Variants in SVOPL observed in about 807,000 individuals in gnomAD.
SVOPL encodes the protein putative transporter SVOPL.
A neutral mutation model predicts 61.0 loss-of-function variants in SVOPL; 60 were observed. The ratio of observed to expected loss-of-function variants is 0.98; its 90% confidence interval spans 0.80 to 1.22. SVOPL has a LOEUF of 1.22. Among genes scored for constraint, SVOPL ranks in the 50% most tolerant of loss-of-function variants. The probability of loss-of-function intolerance (pLI) is 0.00; values close to 1 mark genes in which losing one functional copy is unlikely to be tolerated. For missense variants in SVOPL, 662 were observed against 643.9 expected (o/e 1.03, Z -0.30); for synonymous variants, 279 against 250.0 (o/e 1.12, Z -1.09).
intron 14 of SVOPL, chr7:138,596,902 C>T: frequency 9.2e-7 from 1 of 1,086,832 alleles, no homozygotes. Flanking sequence ...ATGCTATATC[C>T]TCTGTCTGCC....
intron 13 of SVOPL, among the ~76,000 whole-genome samples, chr7:138,624,306 T>C (rs565732165): frequency 5.2e-4 from 79 of 152,360 alleles, no homozygotes; most frequent in African/African-American, 1.8e-3. Context: ...TTGGCTTCTT[T>C]CATCTCCTTT....
intron 9 of SVOPL, among the ~76,000 whole-genome samples, chr7:138,634,611 G>C (rs1165493898): frequency 6.6e-6 from 1 of 152,088 alleles, no homozygotes; most frequent in Non-Finnish European, 1.5e-5. Context: ...TCACACCACT[G>C]CACTCCAGCT....
intron 5 of SVOPL, chr7:138,661,081 T>A (rs1336410497): frequency 1.0e-6 from 1 of 985,322 alleles, no homozygotes; most frequent in Non-Finnish European, 1.2e-6. Context: ...TTTACAAGAA[T>A]CTATGCTATT....
At chr7:138,655,270 G>C (rs565063217) in intron 7 of SVOPL, among the ~76,000 whole-genome samples, 1 of 152,072 alleles carries the variant, frequency 6.6e-6, no homozygotes, top group Non-Finnish European at 1.5e-5. Context: ...TTGGGAGGCC[G>C]AGGCGGGTGG....
chr7:138,659,052 G>A (rs1177109206), intron 6 of SVOPL, among the ~76,000 whole-genome samples: 1 of 152,128 alleles, frequency 6.6e-6, no homozygotes, highest in East Asian at 1.9e-4. Flanking sequence ...CTTAAGTCTG[G>A]TGAGACACAT....
At chr7:138,606,563 C>T (rs1026484023) in intron 14 of SVOPL, among the ~76,000 whole-genome samples, 6 of 152,060 alleles carry the variant, frequency 3.9e-5, no homozygotes, top group Admixed American at 2.0e-4. Context: ...CCAAGGAGCC[C>T]GCTCATTACA....
At chr7:138,607,539 G>T (rs909530388) in intron 14 of SVOPL, among the ~76,000 whole-genome samples, 3 of 152,116 alleles carry the variant, frequency 2.0e-5, no homozygotes, top group Non-Finnish European at 4.4e-5. Flanking sequence ...TCAAAGGTCA[G>T]GTGAGATGAG....
At chr7:138,657,597 T>C (rs1801807784) in intron 6 of SVOPL, among the ~76,000 whole-genome samples, 1 of 152,202 alleles carries the variant, frequency 6.6e-6, no homozygotes, top group Non-Finnish European at 1.5e-5. Context: ...TTCCATCAGT[T>C]TTCTAATTGC....
intron 14 of SVOPL, among the ~76,000 whole-genome samples, chr7:138,611,858 G>T (rs1294917308): frequency 3.5e-4 from 27 of 76,262 alleles, no homozygotes; most frequent in Admixed American, 6.2e-4. Context: ...TGCCGAGATT[G>T]CAGCCTCTGC....
intron 9 of SVOPL, among the ~76,000 whole-genome samples, chr7:138,643,419 T>G (rs1178013477): frequency 1.0e-5 from 1 of 98,374 alleles, no homozygotes; most frequent in East Asian, 2.8e-4. Context: ...TGAGACTCCA[T>G]CTCAAAAAAA....
intron 14 of SVOPL, among the ~76,000 whole-genome samples, chr7:138,601,677 T>C (rs973649823): frequency 2.0e-5 from 3 of 151,594 alleles, no homozygotes; most frequent in Admixed American, 6.6e-5. Flanking sequence ...GAGAAGTGCA[T>C]ACTTTTAAAA....
intron 7 of SVOPL, 78 bp downstream of exon 7, chr7:138,656,370 G>A (rs1008168141): frequency 2.0e-5 from 29 of 1,423,420 alleles, no homozygotes; most frequent in Non-Finnish European, 2.8e-5. Context: ...CAAACCAGCA[G>A]TATTTCCAAG....
At chr7:138,630,307 AGCCAGATCTGTCTTTTG>A (rs1800117985) in intron 9 of SVOPL, among the ~76,000 whole-genome samples, 185 bp from the exon 10 acceptor site, 2 of 152,304 alleles carry the variant, frequency 1.3e-5, no homozygotes, top group Admixed American at 6.5e-5. Context: ...CATCTGTCTC[AGCCAGATCTGTCTTTTG>A]GCTTTTTCTC....
intron 1 of SVOPL, among the ~76,000 whole-genome samples, chr7:138,696,877 G>A (rs528701027): frequency 3.9e-4 from 59 of 152,294 alleles, no homozygotes; most frequent in Non-Finnish European, 6.8e-4. Flanking sequence ...GCCAAGGCCT[G>A]TGTTTTTGTG....
intron 1 of SVOPL, among the ~76,000 whole-genome samples, chr7:138,684,602 G>C (rs905210973): frequency 6.6e-6 from 1 of 152,290 alleles, no homozygotes; most frequent in East Asian, 1.9e-4. Context: ...ATTATCAAAA[G>C]GTCAAGAGAG....
At chr7:138,687,494 C>T (rs951995766) in intron 1 of SVOPL, among the ~76,000 whole-genome samples, 1 of 151,602 alleles carries the variant, frequency 6.6e-6, no homozygotes. Flanking sequence ...ACCTCAGCCT[C>T]CCAAAGTGCT....
chr7:138,672,570 T>C (rs1399754601), intron 3 of SVOPL, among the ~76,000 whole-genome samples: 1 of 148,636 alleles, frequency 6.7e-6, no homozygotes, highest in Non-Finnish European at 1.5e-5. Flanking sequence ...CAAGCTGGGA[T>C]AGTAAGATTC....
intron 8 of SVOPL, among the ~76,000 whole-genome samples, chr7:138,646,856 A>C (rs1040712751): frequency 2.0e-5 from 3 of 152,096 alleles, no homozygotes; most frequent in African/African-American, 7.2e-5. Flanking sequence ...GAGGCAGACA[A>C]TCTGCCCACA....
intron 6 of SVOPL, among the ~76,000 whole-genome samples, chr7:138,657,205 G>A (rs1415081651): frequency 6.6e-6 from 1 of 151,298 alleles, no homozygotes; most frequent in East Asian, 1.9e-4. Context: ...TCCCAGGTTG[G>A]AGTACAGTGG....
Sources: allele counts gnomAD v4.1 joint callset (sites outside exome capture counted in the v4.1 genomes callset), GRCh38; gene constraint gnomAD v4.1.1; transcripts MANE v1.5; gene names NCBI Gene and HGNC (gene_info 2026-07-23, HGNC 2026-07-21).